FGF9: variants seen among roughly 807,000 people sequenced by gnomAD.
The protein encoded by FGF9 is fibroblast growth factor 9.
Under a neutral mutation model 19.9 loss-of-function variants are expected in FGF9, and 3 were observed. That is an observed-to-expected ratio of 0.15 (90% CI 0.07 to 0.39). The LOEUF (loss-of-function observed/expected upper bound fraction) is 0.39. FGF9 is among the 10% of genes least tolerant of loss of function. The probability of loss-of-function intolerance (pLI) is 1.00; values close to 1 mark genes in which losing one functional copy is unlikely to be tolerated. For missense variants in FGF9, 175 were observed against 256.8 expected (o/e 0.68, Z 2.18); for synonymous variants, 107 against 106.9 (o/e 1.00, Z -0.01).
At chr13:21,697,517 A>G (rs9578395) in intron 2 of FGF9, among the ~76,000 whole-genome samples, 10,091 of 152,220 alleles carry the variant, frequency 0.066, 1,054 homozygotes, top group African/African-American at 0.23. Flanking sequence ...CGATGCTCTA[A>G]TAGCCTGCTA....
At chr13:21,682,529 A>G (rs139719870) in intron 2 of FGF9, among the ~76,000 whole-genome samples, 27 of 152,302 alleles carry the variant, frequency 1.8e-4, no homozygotes, top group African/African-American at 6.0e-4. Context: ...ATTTGTAAGT[A>G]TAGGATTGAC....
At chr13:21,687,508 T>A (rs1215712787) in intron 2 of FGF9, among the ~76,000 whole-genome samples, 11 of 152,302 alleles carry the variant, frequency 7.2e-5, no homozygotes. Context: ...ACTGACACAG[T>A]GGATTTCATA....
rs781321442 is a variant in FGF9 at position 21,701,432 on chromosome 13, T to C, written c.624T>C (p.Ser208=). 2.5e-6 allele frequency: 4 copies of C among 1,614,028 alleles called. No homozygotes were observed. Among genetic ancestry groups the C allele is most frequent in the Non-Finnish European group, 3.4e-6 (4 of 1,179,972 alleles). ...TGTATAAGGATATTCTAAGCCAAAG[T>C]TGACAAAGACAGTTTCTTCACTTGA... ...PELYKDILSQ[S] Residue 208 remains serine, a synonymous_variant, in exon 3 of 3, where the codon AGT becomes AGC. Transcript: ENST00000382353.
rs139783658 is a variant in FGF9, at chr13:21,678,086, C to T, written c.278-2956C>T. ...AGGGTAATAGGACCTAGGCTATATC[C>T]GGTTCATCTTTATATACTCAATAAA... On this transcript the variant is annotated intron_variant, in intron 1 of 2. Transcript: ENST00000382353. Among the ~76,000 whole-genome samples, 80 of 152,214 alleles carry T rather than the reference C, an allele frequency of 5.3e-4. 1 individual carries two copies. Among genetic ancestry groups the T allele is most frequent in the South Asian group, 1.7e-3 (8 of 4,812 alleles).
rs1021756704 is a variant in FGF9, at chr13:21,691,818, G to A, written c.382-9372G>A. Among the ~76,000 whole-genome samples, 7 of 152,132 alleles carry A rather than the reference G, an allele frequency of 4.6e-5. No individual in the cohort carries two copies. The highest frequency in any genetic ancestry group is 1.3e-4 in the Admixed American group (2 of 15,276). On this transcript the variant is annotated intron_variant, in intron 2 of 2. Transcript: ENST00000382353. The surrounding 1 kb of genome is among the most constrained non-coding windows in gnomAD (Gnocchi z 4.2). Reference sequence around the variant, plus strand: ...GTGCCTCAGTGGCACTGTGACAACCGGCTGAGAAAAATGTCTGCATCCCTG... The same window carrying A: ...GTGCCTCAGTGGCACTGTGACAACCAGCTGAGAAAAATGTCTGCATCCCTG...
intron 2 of FGF9, among the ~76,000 whole-genome samples, chr13:21,690,780 T>C (rs1225172878): frequency 6.6e-6 from 1 of 152,210 alleles, no homozygotes; most frequent in Non-Finnish European, 1.5e-5. Flanking sequence ...AGGGTCCTCT[T>C]TGGGATCTGT....
rs1182907571 is a variant in FGF9, at chr13:21,684,341, TTGGTTTCCTAACACACAGCTA to T, written c.381+3200_381+3220del. Among the ~76,000 whole-genome samples, 5 of 152,202 alleles carry T rather than the reference TTGGTTTCCTAACACACAGCTA, an allele frequency of 3.3e-5. 1 individual carries two copies. Among genetic ancestry groups the T allele is most frequent in the Admixed American group, 6.5e-5 (1 of 15,284 alleles). On this transcript the variant is annotated intron_variant, in intron 2 of 2. Coordinates refer to ENST00000382353, the MANE Select transcript of FGF9 (RefSeq NM_002010.3). ...GGCATGGACCACATTCTTTTTTTTT[TTGGTTTCCTAACACACAGCTA>T]TGGCTCTTGTACATAGTAGGTGCTC... is the stretch of plus-strand genomic sequence containing the variant.
intron 1 of FGF9, among the ~76,000 whole-genome samples, chr13:21,679,933 G>C (rs1270266129): frequency 2.7e-5 from 4 of 148,444 alleles, no homozygotes; most frequent in African/African-American, 7.6e-5. Flanking sequence ...CTCCAGCCTG[G>C]GCAACAGAGT....
chr13:21,675,999 G>A (rs1445379785), intron 1 of FGF9, among the ~76,000 whole-genome samples: 1 of 151,034 alleles, frequency 6.6e-6, no homozygotes, highest in Non-Finnish European at 1.5e-5. Context: ...ACTCGCAATT[G>A]TATCTCTGTG....
chr13:21,681,364 GC>G, intron 2 of FGF9: 1 of 432,578 alleles, frequency 2.3e-6, no homozygotes, highest in Non-Finnish European at 4.2e-6. Flanking sequence ...TTATTTATAT[GC>G]CAAACCATCT....
intron 2 of FGF9, among the ~76,000 whole-genome samples, chr13:21,695,643 G>T (rs1311190724): frequency 6.6e-6 from 1 of 152,148 alleles, no homozygotes; most frequent in African/African-American, 2.4e-5. Context: ...CCTGATCCTT[G>T]CAACAACTCC....
At chr13:21,695,087 T>C (rs1005711154) in intron 2 of FGF9, among the ~76,000 whole-genome samples, 38 of 141,208 alleles carry the variant, frequency 2.7e-4, no homozygotes, top group African/African-American at 8.5e-4. Flanking sequence ...TGTGTGCGTG[T>C]GTGTGTGTGT....
At chr13:21,700,101 G>A (rs1057383093) in intron 2 of FGF9, among the ~76,000 whole-genome samples, 1 of 151,978 alleles carries the variant, frequency 6.6e-6, no homozygotes, top group Non-Finnish European at 1.5e-5. Context: ...GCCCTAGGTT[G>A]TGGGGTTCAA....
chr13:21,686,309 G>A (rs1488890662), intron 2 of FGF9, among the ~76,000 whole-genome samples: 4 of 152,148 alleles, frequency 2.6e-5, no homozygotes, highest in Non-Finnish European at 4.4e-5. Context: ...GATTACAGGC[G>A]TGAGCCCCCA....
chr13:21,690,146 T>C (rs1872252386), intron 2 of FGF9, among the ~76,000 whole-genome samples: 1 of 152,142 alleles, frequency 6.6e-6, no homozygotes, highest in African/African-American at 2.4e-5. Context: ...AGGGCTCAAA[T>C]TGGAAGCTCT....
rs1325504764 is a variant in FGF9 at position 21,704,442 on chromosome 13, T to C, written c.*3007T>C. Reference sequence around the variant, plus strand: ...TTACTTGATAATCTGTAATTGTATGTAAATACATACAGGATTATGTAATTT... The same window carrying C: ...TTACTTGATAATCTGTAATTGTATGCAAATACATACAGGATTATGTAATTT... On this transcript the variant is annotated 3_prime_UTR_variant, in exon 3 of 3. Transcript: ENST00000382353. The C allele has an allele frequency of 6.6e-6, 1 of 152,266 alleles. No individual in the cohort carries two copies. Among genetic ancestry groups the C allele is most frequent in the Non-Finnish European group, 1.5e-5 (1 of 68,052 alleles). The allele number at this position is 152,266 out of a possible 1,614,324, so 9.4% of individuals were successfully genotyped here. A position where few individuals can be genotyped will look rare whatever the true frequency, so the allele number is the denominator to read the frequency against.
chr13:21,672,264 G>C lies in FGF9; in HGVS notation c.277+75G>C. 2 of 1,543,794 alleles carry C rather than the reference G, an allele frequency of 1.3e-6. No homozygotes were observed. Among genetic ancestry groups the C allele is most frequent in the South Asian group, 2.3e-5 (2 of 88,074 alleles). On this transcript the variant is annotated intron_variant, in intron 1 of 2. Transcript: ENST00000382353. This position sits in a 1 kb window ranked among gnomAD's most constrained non-coding sequence, Gnocchi z 4.2. The stretch of plus-strand genomic sequence containing the variant: ...TATAACTACCAAGAAGGTGGTGGCC[G>C]GGTGGGGGACGTGGGAAGGGTTCTC...
chr13:21,699,994 G>A (rs1263405611), intron 2 of FGF9, among the ~76,000 whole-genome samples: 1 of 150,628 alleles, frequency 6.6e-6, no homozygotes, highest in African/African-American at 2.4e-5. Context: ...TGCCTGGGGC[G>A]TGTTCACAGC....
intron 2 of FGF9, among the ~76,000 whole-genome samples, chr13:21,689,660 A>G (rs113953139): frequency 2.6e-4 from 39 of 152,326 alleles, no homozygotes; most frequent in African/African-American, 9.4e-4. Flanking sequence ...AGAATGCATT[A>G]TGACAGCAAT....
Sources: allele counts gnomAD v4.1 joint callset (sites outside exome capture counted in the v4.1 genomes callset), GRCh38; gene constraint gnomAD v4.1.1; non-coding constraint Gnocchi (gnomAD v3.1); transcripts MANE v1.5; gene names NCBI Gene and HGNC (gene_info 2026-07-23, HGNC 2026-07-21).